COG5: variants seen among roughly 807,000 people sequenced by gnomAD.
COG5 encodes the protein conserved oligomeric Golgi complex subunit 5.
In COG5, 86 loss-of-function variants were observed where a neutral mutation model predicts 110.4. The ratio of observed to expected loss-of-function variants is 0.78; its 90% CI spans 0.65 to 0.93. The LOEUF (loss-of-function observed/expected upper bound fraction) is 0.93. Ranked by LOEUF, COG5 falls within the 40% of genes least tolerant of loss-of-function variation. COG5 has a pLI of 0.00. For synonymous variants in COG5, 360 were observed against 334.6 expected (o/e 1.08, Z -0.83); for missense variants, 1,077 against 987.0 (o/e 1.09, Z -1.22).
At chr7:107,414,637 C>G (rs577859427) in intron 6 of COG5, among the ~76,000 whole-genome samples, 1 of 147,972 alleles carries the variant, frequency 6.8e-6, no homozygotes, top group Non-Finnish European at 1.5e-5. Context: ...TGGCTTCACA[C>G]TGACTAACAT....
At position 107,558,017 on chromosome 7, in the gene COG5, C is replaced by A. The variant is rs1803454640; in HGVS notation, c.193G>T (p.Ala65Ser). The A allele has an allele frequency of 1.2e-6, 2 of 1,613,840 alleles. No individual in the cohort carries two copies. Among genetic ancestry groups the A allele is most frequent in the African/African-American group, 1.3e-5 (1 of 74,886 alleles). ...AVIAEQLAKL[A>S]QGISQLDREL... ...CTGTCCAACTGACTGATTCCTTGGG[C>A]AAGTTTTGCTAGTTGTTCAGCAATT... The change falls in exon 2 of 22, where the codon GCC (alanine) becomes TCC (serine). Residue 65 changes from alanine to serine, a missense_variant. Coordinates refer to ENST00000297135, the MANE Select transcript of COG5 (RefSeq NM_006348.5).
chr7:107,285,060 T>C (rs1381291718), intron 12 of COG5, among the ~76,000 whole-genome samples: 2 of 152,232 alleles, frequency 1.3e-5, no homozygotes, highest in Non-Finnish European at 2.9e-5. Flanking sequence ...TAATGTTTTC[T>C]CATTCAGTAA....
intron 7 of COG5, among the ~76,000 whole-genome samples, chr7:107,404,464 G>A (rs189818702): frequency 9.9e-5 from 15 of 152,096 alleles, no homozygotes; most frequent in East Asian, 1.9e-4. Flanking sequence ...TGATACATGC[G>A]AGAATATAAT....
rs71566734 is a variant in COG5, at chr7:107,563,544, T to G, written c.94+259A>C. ...CGAAACTTCAGGGAAGCTGGAGGCA[T>G]GGGGGGGGGGGGGGTCGAGTTGAAA... On this transcript the variant is annotated intron_variant, in intron 1 of 21. Coordinates refer to ENST00000297135, the MANE Select transcript of COG5 (RefSeq NM_006348.5). 6,575 of 254,844 alleles carry G rather than the reference T, an allele frequency of 0.026. 107 individuals are homozygous for G. The highest frequency in any genetic ancestry group is 0.036 in the Non-Finnish European group (4,815 of 132,128). The allele number at this position is 254,844 out of a possible 1,614,324, so 15.8% of individuals were successfully genotyped here.
At chr7:107,321,093 A>G (rs1055245724) in intron 11 of COG5, among the ~76,000 whole-genome samples, 10 of 152,214 alleles carry the variant, frequency 6.6e-5, no homozygotes, top group Non-Finnish European at 1.3e-4. Context: ...GAAATCACCA[A>G]TAACTACTAG....
intron 6 of COG5, among the ~76,000 whole-genome samples, chr7:107,510,807 C>T (rs143770900): frequency 1.7e-3 from 264 of 152,208 alleles, no homozygotes; most frequent in African/African-American, 6.0e-3. Context: ...GGGTACATAA[C>T]GAAATGAAGG....
intron 7 of COG5, among the ~76,000 whole-genome samples, chr7:107,394,206 G>A (rs1230414572): frequency 1.3e-5 from 2 of 150,526 alleles, no homozygotes; most frequent in Non-Finnish European, 3.0e-5. Context: ...CTTGTGATCC[G>A]CCTGCCTCGG....
chr7:107,231,484 T>C (rs1050211409), intron 18 of COG5, among the ~76,000 whole-genome samples: 2 of 152,214 alleles, frequency 1.3e-5, no homozygotes, highest in East Asian at 1.9e-4. Context: ...TTCTACCAAG[T>C]GCATATGCGA....
chr7:107,514,329 TACACACACACACACACAC>T (rs61351697), intron 6 of COG5, among the ~76,000 whole-genome samples: 7 of 145,622 alleles, frequency 4.8e-5, no homozygotes, highest in East Asian at 2.0e-4. Context: ...TGGCCTATTT[TACACACACACACACACAC>T]ACACACACAC....
At chr7:107,429,876 C>T (rs1793898520) in intron 6 of COG5, among the ~76,000 whole-genome samples, 1 of 152,174 alleles carries the variant, frequency 6.6e-6, no homozygotes, top group Non-Finnish European at 1.5e-5. Context: ...AACTGTCAGT[C>T]CATTAAACCT....
chr7:107,527,072 G>A (rs1800815266), intron 6 of COG5, among the ~76,000 whole-genome samples, 165 bp downstream of exon 6: 1 of 151,978 alleles, frequency 6.6e-6, no homozygotes, highest in African/African-American at 2.4e-5. Context: ...TCAACTACTT[G>A]TACTTACTCA....
chr7:107,378,594 C>T (rs1266859000), intron 7 of COG5, among the ~76,000 whole-genome samples: 1 of 152,076 alleles, frequency 6.6e-6, no homozygotes, highest in East Asian at 1.9e-4. Flanking sequence ...CCTGATTGAG[C>T]TGAAAAACAC....
intron 12 of COG5, among the ~76,000 whole-genome samples, chr7:107,294,901 GT>G (rs1806495666): frequency 9.6e-6 from 1 of 104,238 alleles, no homozygotes; most frequent in African/African-American, 3.4e-5. Flanking sequence ...GTGTGTGTGT[GT>G]GTGTGTGTGT....
intron 7 of COG5, among the ~76,000 whole-genome samples, chr7:107,377,020 A>G (rs1440306027): frequency 1.3e-5 from 2 of 152,170 alleles, no homozygotes; most frequent in African/African-American, 4.8e-5. Flanking sequence ...GAAGACAACT[A>G]GTAATTTTAC....
At chr7:107,421,003 A>C (rs1793248287) in intron 6 of COG5, among the ~76,000 whole-genome samples, 1 of 152,166 alleles carries the variant, frequency 6.6e-6, no homozygotes, top group Non-Finnish European at 1.5e-5. Context: ...AAAAATGAGA[A>C]TTAGTTTTCC....
chr7:107,458,382 T>A (rs1013977594), intron 6 of COG5, among the ~76,000 whole-genome samples: 4 of 152,070 alleles, frequency 2.6e-5, no homozygotes, highest in Non-Finnish European at 5.9e-5. Context: ...ACAAAAATAG[T>A]GACACTGTAC....
intron 10 of COG5, among the ~76,000 whole-genome samples, chr7:107,333,408 C>T (rs1162633663): frequency 2.6e-5 from 4 of 152,024 alleles, no homozygotes; most frequent in Non-Finnish European, 4.4e-5. Flanking sequence ...CATGTACAAC[C>T]CTATACACAC....
chr7:107,556,778 T>C (rs929460095), intron 2 of COG5, among the ~76,000 whole-genome samples: 271 of 152,132 alleles, frequency 1.8e-3, no homozygotes, highest in Non-Finnish European at 3.1e-3. Context: ...TCTTTCTTTT[T>C]TTTTTTTTTG....
At chr7:107,220,809 T>C (rs1235013988) in intron 19 of COG5, among the ~76,000 whole-genome samples, 1 of 149,894 alleles carries the variant, frequency 6.7e-6, no homozygotes, top group Non-Finnish European at 1.5e-5. Context: ...GCGGGACTCA[T>C]GCCTTCTTTT....
Sources: allele counts gnomAD v4.1 joint callset (sites outside exome capture counted in the v4.1 genomes callset), GRCh38; gene constraint gnomAD v4.1.1; transcripts MANE v1.5; gene names NCBI Gene and HGNC (gene_info 2026-07-23, HGNC 2026-07-21).